PTPN3: variants seen among roughly 807,000 people sequenced by gnomAD.
The protein encoded by PTPN3 is protein tyrosine phosphatase non-receptor type 3.
Under a neutral mutation model 132.7 loss-of-function variants are expected in PTPN3, and 96 were observed. The observed-to-expected ratio is 0.72, with a 90% confidence interval of 0.61 to 0.86. The LOEUF (loss-of-function observed/expected upper bound fraction) is 0.86. PTPN3 is among the 40% of genes least tolerant of loss of function. PTPN3 has a pLI of 0.00. For missense variants in PTPN3, 1,125 were observed against 1,159.6 expected (o/e 0.97, Z 0.43); for synonymous variants, 398 against 429.0 (o/e 0.93, Z 0.89).
chr9:109,409,798 G>A (rs1841930111), intron 16 of PTPN3, among the ~76,000 whole-genome samples: 1 of 151,826 alleles, frequency 6.6e-6, no homozygotes, highest in African/African-American at 2.4e-5. Flanking sequence ...GGGCGATAAA[G>A]TGAGTTTTTA....
chr9:109,399,048 T>C (rs1840835185), intron 19 of PTPN3, among the ~76,000 whole-genome samples: 1 of 152,146 alleles, frequency 6.6e-6, no homozygotes, highest in South Asian at 2.1e-4. Context: ...ACCAAACTGC[T>C]CCCATTGATG....
At chr9:109,441,516 C>A (rs1447824658) in intron 7 of PTPN3, among the ~76,000 whole-genome samples, 1 of 152,290 alleles carries the variant, frequency 6.6e-6, no homozygotes, top group East Asian at 1.9e-4. Flanking sequence ...CTAGTATCAT[C>A]CACATCTGCC....
Position 109,415,031 on chromosome 9 carries a change from T to TGTCC in PTPN3, c.1314-4620_1314-4617dup, listed in dbSNP as rs963226577. 4.5e-4 allele frequency among the ~76,000 whole-genome samples: 28 copies of TGTCC among 62,324 alleles called. 1 individual carries two copies. The highest frequency in any genetic ancestry group is 0.011 in the Middle Eastern group (1 of 94). 40.9% of individuals were successfully genotyped at this position (62,324 alleles called of 152,430 possible). The stretch of plus-strand genomic sequence containing the variant: ...AGTTTCATCTAACCATTTGTCCGTC[T>TGTCC]GTCCGTCCGTCCGTCCGTCCATCCG... On this transcript the variant is annotated intron_variant, in intron 14 of 25. Transcript: ENST00000374541.
intron 12 of PTPN3, among the ~76,000 whole-genome samples, chr9:109,425,904 C>A (rs535135373): frequency 6.6e-6 from 1 of 151,336 alleles, no homozygotes; most frequent in Non-Finnish European, 1.5e-5. Context: ...ATCCTAGCTA[C>A]TCGGGAGGCT....
In PTPN3 at chr9:109,391,331, G is replaced by A. The variant is rs755161675; in HGVS notation, c.2045-132C>T. ...ATAAACACTATTCCCCAACTGTTCCGAGTCTGAAATGGCTGCAATAAAGAC... is the reference window on the plus strand; with the variant it reads ...ATAAACACTATTCCCCAACTGTTCCAAGTCTGAAATGGCTGCAATAAAGAC... On this transcript the variant is annotated intron_variant, in intron 20 of 25. Transcript: ENST00000374541. The A allele has an allele frequency of 7.8e-5, 99 of 1,270,584 alleles. No homozygotes were observed. The Middle Eastern group carries it at 9.3e-4, about 12-fold the overall frequency. 78.7% of individuals were successfully genotyped at this position (1,270,584 alleles called of 1,614,324 possible).
chr9:109,527,892 T>C, the PTPN3 span, among the ~76,000 whole-genome samples: 1 of 152,144 alleles, frequency 6.6e-6, no homozygotes, highest in African/African-American at 2.4e-5. Context: ...AATCAGAATA[T>C]ATAAAGAACT....
chr9:109,443,370 C>G lies in PTPN3; in HGVS notation c.466+1870G>C, dbSNP rs184926416. Among the ~76,000 whole-genome samples the G allele has an allele frequency of 2.0e-3, 306 of 152,178 alleles. 3 individuals are homozygous for G. The highest frequency in any genetic ancestry group is 7.0e-3 in the African/African-American group (289 of 41,520). On this transcript the variant is annotated intron_variant, in intron 7 of 25. Coordinates refer to ENST00000374541, the MANE Select transcript of PTPN3 (RefSeq NM_002829.4). ...AGGACTACAGATGCACACCACCATGCCCAGATAATTCTTCAGTTTTTGTAG... is the reference window on the plus strand; with the variant it reads ...AGGACTACAGATGCACACCACCATGGCCAGATAATTCTTCAGTTTTTGTAG...
intron 12 of PTPN3, among the ~76,000 whole-genome samples, chr9:109,426,288 T>C (rs1843275709): frequency 6.7e-6 from 1 of 148,564 alleles, no homozygotes; most frequent in Non-Finnish European, 1.5e-5. Context: ...TAAAAATTTA[T>C]ATATTATATA....
chr9:109,485,773 C>T (rs1470870533), intron 1 of PTPN3, among the ~76,000 whole-genome samples: 3 of 152,102 alleles, frequency 2.0e-5, no homozygotes, highest in Non-Finnish European at 2.9e-5. Flanking sequence ...GAGCAGCTCA[C>T]GAGAGGGAAC....
At chr9:109,413,265 A>AT (rs1842218484) in intron 14 of PTPN3, among the ~76,000 whole-genome samples, 1 of 151,928 alleles carries the variant, frequency 6.6e-6, no homozygotes, top group South Asian at 2.1e-4. Flanking sequence ...GCCCTAACCT[A>AT]TTTTCTAAGC....
intron 11 of PTPN3, among the ~76,000 whole-genome samples, chr9:109,428,141 C>T (rs551095987): frequency 6.6e-6 from 1 of 152,242 alleles, no homozygotes; most frequent in Non-Finnish European, 1.5e-5. Flanking sequence ...CTGCCAAGTG[C>T]TTTGACCAAT....
At chr9:109,480,938 G>A (rs1846930346) in intron 1 of PTPN3, among the ~76,000 whole-genome samples, 1 of 152,194 alleles carries the variant, frequency 6.6e-6, no homozygotes, top group Non-Finnish European at 1.5e-5. Flanking sequence ...ATGGATGCAT[G>A]GTTGGATGGT....
At chr9:109,395,197 G>A (rs1050083118) in intron 19 of PTPN3, among the ~76,000 whole-genome samples, 2 of 151,210 alleles carry the variant, frequency 1.3e-5, no homozygotes, top group Non-Finnish European at 2.9e-5. Context: ...GGAGTCAGGA[G>A]ACTATTTTAC....
Position 109,382,358 on chromosome 9 carries a change from A to T in PTPN3, c.2472T>A (p.Phe824Leu). Residue 824 changes from phenylalanine (F) to leucine (L), a missense_variant, in exon 24 of 26, where the codon TTT (phenylalanine) becomes TTA (leucine). Transcript: ENST00000374541. ...VPDDSSDFLE[F>L]VNYVRSLRVD... ...CTCTCAGAGACCTCACATAGTTTACAAATTCCAGAAAGTCGGAGGAGTCAT... is the reference window on the plus strand; with the variant it reads ...CTCTCAGAGACCTCACATAGTTTACTAATTCCAGAAAGTCGGAGGAGTCAT... 1.2e-6 allele frequency: 2 copies of T among 1,614,168 alleles called. No individual in the cohort carries two copies. The highest frequency in any genetic ancestry group is 1.7e-6 in the Non-Finnish European group (2 of 1,179,986).
At chr9:109,416,474 C>T (rs1032466273) in intron 14 of PTPN3, among the ~76,000 whole-genome samples, 1 of 146,488 alleles carries the variant, frequency 6.8e-6, no homozygotes, top group East Asian at 2.0e-4. Flanking sequence ...TTGACAGGGT[C>T]TCACTCCAAT....
At chr9:109,443,659 T>G (rs1377343565) in intron 7 of PTPN3, among the ~76,000 whole-genome samples, 4 of 151,976 alleles carry the variant, frequency 2.6e-5, no homozygotes, top group Admixed American at 1.3e-4. Flanking sequence ...AGACACAGAG[T>G]TCACAAGGTC....
chr9:109,500,282 A>G (rs1370541242), upstream of PTPN3, among the ~76,000 whole-genome samples: 1 of 152,138 alleles, frequency 6.6e-6, no homozygotes, highest in Non-Finnish European at 1.5e-5. Context: ...GGATGTGTGA[A>G]TTTTCGAAGT....
At chr9:109,506,322 C>G in the PTPN3 span, among the ~76,000 whole-genome samples, 1 of 152,174 alleles carries the variant, frequency 6.6e-6, no homozygotes, top group Non-Finnish European at 1.5e-5. Flanking sequence ...TCAAAGTATG[C>G]AGGATACACA....
chr9:109,426,832 C>G, intron 12 of PTPN3, 118 bp downstream of exon 12: 1 of 1,135,762 alleles, frequency 8.8e-7, no homozygotes. Context: ...AGATCCAATG[C>G]CTGGAGCCCC....
Sources: allele counts gnomAD v4.1 joint callset (sites outside exome capture counted in the v4.1 genomes callset), GRCh38; gene constraint gnomAD v4.1.1; transcripts MANE v1.5; gene names NCBI Gene and HGNC (gene_info 2026-07-23, HGNC 2026-07-21).